Variants in ACOT1 observed in about 807,000 individuals in gnomAD.
ACOT1 encodes the protein acyl-coenzyme A thioesterase 1.
Under a neutral mutation model 15.7 loss-of-function variants are expected in ACOT1, and 8 were observed. That is an observed-to-expected ratio of 0.51 (90% CI 0.30 to 0.92). The LOEUF (loss-of-function observed/expected upper bound fraction) is 0.92. Ranked by LOEUF, ACOT1 falls within the 40% of genes least tolerant of loss-of-function variation. The pLI is 0.06. For synonymous variants in ACOT1, 67 were observed against 241.2 expected (o/e 0.28, Z 6.69); for missense variants, 151 against 539.4 (o/e 0.28, Z 7.13).
the ACOT1 span, among the ~76,000 whole-genome samples, chr14:73,499,841 G>A: frequency 2.0e-5 from 3 of 152,198 alleles, no homozygotes; most frequent in Non-Finnish European, 4.4e-5. Context: ...TAGAATCGAA[G>A]TCTGGGCTGG....
At chr14:73,505,884 A>T in the ACOT1 span, among the ~76,000 whole-genome samples, 4 of 138,990 alleles carry the variant, frequency 2.9e-5, no homozygotes, top group Non-Finnish European at 6.2e-5. Flanking sequence ...ATTACTATAA[A>T]CGTTTCTTTT....
chr14:73,521,574 A>G, the ACOT1 span, among the ~76,000 whole-genome samples: 2 of 152,258 alleles, frequency 1.3e-5, no homozygotes, highest in African/African-American at 4.8e-5. Flanking sequence ...GAATAAATAA[A>G]TGGATTTCCA....
the ACOT1 span, chr14:73,496,685 A>G: frequency 8.8e-6 from 13 of 1,474,274 alleles, no homozygotes; most frequent in South Asian, 1.5e-4. Flanking sequence ...TTTCTCTGAA[A>G]GATAAGAAGG....
At chr14:73,509,593 G>A in the ACOT1 span, 1 of 938,486 alleles carries the variant, frequency 1.1e-6, no homozygotes, top group Non-Finnish European at 1.6e-6. Flanking sequence ...TTAGTGCTAT[G>A]TAATATAATT....
chr14:73,520,971 A>G, the ACOT1 span: 2 of 1,613,628 alleles, frequency 1.2e-6, no homozygotes, highest in African/African-American at 1.3e-5. Context: ...CTTTTCATGG[A>G]TATCCTCAGT....
At chr14:73,514,296 GC>G in the ACOT1 span, 1 of 1,462,042 alleles carries the variant, frequency 6.8e-7, no homozygotes. Context: ...CCACACAGTG[GC>G]CCCAGCTTGC....
chr14:73,506,100 A>C, the ACOT1 span, among the ~76,000 whole-genome samples: 4 of 151,806 alleles, frequency 2.6e-5, no homozygotes, highest in African/African-American at 9.7e-5. Context: ...CATGTTGGTC[A>C]GGCTGGTCTC....
At chr14:73,522,434 T>C in the ACOT1 span, 1 of 1,614,266 alleles carries the variant, frequency 6.2e-7, no homozygotes, top group Non-Finnish European at 8.5e-7. Flanking sequence ...CCAGTCGTAC[T>C]GCTGGCGCAG....
At chr14:73,502,127 C>A in the ACOT1 span, among the ~76,000 whole-genome samples, 1 of 150,644 alleles carries the variant, frequency 6.6e-6, no homozygotes, top group Non-Finnish European at 1.5e-5. Context: ...CTCCTGGGCT[C>A]AATTGATCCT....
upstream of ACOT1, chr14:73,537,070 A>AC (rs1420363949): frequency 4.4e-5 from 8 of 181,446 alleles, 2 homozygotes; most frequent in African/African-American, 2.0e-4. Context: ...TGCAAGCTCC[A>AC]CCCCCCGGGA....
At chr14:73,500,209 C>T in the ACOT1 span, among the ~76,000 whole-genome samples, 1,143 of 151,534 alleles carry the variant, frequency 7.5e-3, 14 homozygotes, top group African/African-American at 0.026. Flanking sequence ...CAGCTTGGGT[C>T]ACAGAGCGAG....
At chr14:73,528,392 C>CAAAAAAA in the ACOT1 span, among the ~76,000 whole-genome samples, 2,856 of 88,386 alleles carry the variant, frequency 0.032, 182 homozygotes, top group Middle Eastern at 0.066. Context: ...AACTTCATCT[C>CAAAAAAA]AAAAAAAAAA....
At chr14:73,502,881 T>C in the ACOT1 span, 9 of 1,591,188 alleles carry the variant, frequency 5.7e-6, no homozygotes, top group Non-Finnish European at 7.8e-6. Context: ...CTCCTCATGT[T>C]GACTGGGTCT....
chr14:73,499,082 A>G, the ACOT1 span: 2 of 1,614,090 alleles, frequency 1.2e-6, no homozygotes, highest in African/African-American at 1.3e-5. Context: ...TCGAATGGCA[A>G]AGGCCTTGAT....
the ACOT1 span, chr14:73,523,076 CCCCAT>C: frequency 6.2e-7 from 1 of 1,613,060 alleles, no homozygotes; most frequent in Non-Finnish European, 8.5e-7. Flanking sequence ...TAAAATCATG[CCCCAT>C]CCCAGTCGTG....
the ACOT1 span, chr14:73,493,144 G>C: frequency 6.2e-7 from 1 of 1,607,740 alleles, no homozygotes; most frequent in South Asian, 1.1e-5. Flanking sequence ...AAAGGAAAAG[G>C]AGAAGTTGGA....
the ACOT1 span, chr14:73,512,181 C>T: frequency 6.2e-7 from 1 of 1,612,836 alleles, no homozygotes; most frequent in South Asian, 1.1e-5. Context: ...GAAAAGAGAA[C>T]CACCTGGTTA....
At chr14:73,490,936 G>C in the ACOT1 span, 37 of 1,272,108 alleles carry the variant, frequency 2.9e-5, no homozygotes, top group Non-Finnish European at 3.5e-5. Flanking sequence ...CCTTCCCAGA[G>C]TGCACCGCAG....
At chr14:73,506,178 C>T in the ACOT1 span, among the ~76,000 whole-genome samples, 5 of 152,266 alleles carry the variant, frequency 3.3e-5, no homozygotes, top group East Asian at 7.7e-4. Flanking sequence ...TGTGAGCCAC[C>T]GCACCCGGCC....
Sources: gnomAD v4.1 joint callset for allele counts (sites outside exome capture counted in the v4.1 genomes callset) on GRCh38, gnomAD v4.1.1 for gene constraint, MANE v1.5 for transcripts, NCBI Gene and HGNC (gene_info 2026-07-23, HGNC 2026-07-21) for gene names.